Variants in SPAG16 observed in about 807,000 individuals in gnomAD.
The protein encoded by SPAG16 is sperm associated antigen 16.
Under a neutral mutation model 80.4 loss-of-function variants are expected in SPAG16, and 86 were observed. The observed-to-expected ratio is 1.07, with a 90% CI of 0.90 to 1.28. The LOEUF is 1.28. Ranked by LOEUF, SPAG16 falls within the 50% of genes most tolerant of loss-of-function variation. SPAG16 has a pLI of 0.00. For missense variants in SPAG16, 870 were observed against 765.3 expected, an observed-to-expected ratio of 1.14 and a Z score of -1.61; for synonymous variants, 294 against 265.9, an observed-to-expected ratio of 1.11 and a Z score of -1.03.
intron 11 of SPAG16, among the ~76,000 whole-genome samples, chr2:213,896,788 TACATGTTCTC>T (rs1394704137): frequency 1.3e-5 from 2 of 152,158 alleles, no homozygotes; most frequent in African/African-American, 2.4e-5. Context: ...ATAAGCCTGG[TACATGTTCTC>T]ACATGTTCTC....
At chr2:213,742,069 A>G (rs2067578734) in intron 10 of SPAG16, among the ~76,000 whole-genome samples, 1 of 150,436 alleles carries the variant, frequency 6.6e-6, no homozygotes, top group African/African-American at 2.4e-5. Flanking sequence ...TTTATAGTTG[A>G]TGTAATACCA....
At chr2:214,288,535 A>C (rs1488740841) in intron 15 of SPAG16, among the ~76,000 whole-genome samples, 2 of 152,002 alleles carry the variant, frequency 1.3e-5, no homozygotes, top group Admixed American at 6.6e-5. Flanking sequence ...ACTAACTTTC[A>C]TTCCCACCGA....
intron 9 of SPAG16, among the ~76,000 whole-genome samples, chr2:213,405,448 C>T (rs1447140400): frequency 6.6e-6 from 1 of 152,142 alleles, no homozygotes; most frequent in Non-Finnish European, 1.5e-5. Context: ...TATCCATCAC[C>T]TCAAACATTT....
At chr2:213,871,034 T>C (rs1454643207) in intron 11 of SPAG16, among the ~76,000 whole-genome samples, 1 of 152,120 alleles carries the variant, frequency 6.6e-6, no homozygotes, top group Non-Finnish European at 1.5e-5. Context: ...TTATGTAATT[T>C]TAGGGACATA....
chr2:214,176,079 A>G (rs2057069319), intron 15 of SPAG16, among the ~76,000 whole-genome samples: 1 of 151,486 alleles, frequency 6.6e-6, no homozygotes. Context: ...TTTGTATTCC[A>G]CTGATAAATT....
At chr2:213,512,898 A>G (rs906214958) in intron 10 of SPAG16, among the ~76,000 whole-genome samples, 1 of 152,098 alleles carries the variant, frequency 6.6e-6, no homozygotes, top group East Asian at 1.9e-4. Flanking sequence ...AATAGCCCCA[A>G]ACTGCTGCTG....
intron 13 of SPAG16, among the ~76,000 whole-genome samples, chr2:214,052,544 G>C (rs2049706592): frequency 6.6e-6 from 1 of 152,104 alleles, no homozygotes; most frequent in Non-Finnish European, 1.5e-5. Context: ...TAAATTATCT[G>C]GAATCAAGGT....
intron 15 of SPAG16, among the ~76,000 whole-genome samples, chr2:214,225,911 T>C (rs2058687882): frequency 6.6e-6 from 1 of 152,162 alleles, no homozygotes; most frequent in South Asian, 2.1e-4. Flanking sequence ...CATCATTACT[T>C]ACATTCTGGC....
At chr2:213,600,897 A>G (rs891084609) in intron 10 of SPAG16, among the ~76,000 whole-genome samples, 3 of 152,256 alleles carry the variant, frequency 2.0e-5, no homozygotes, top group Non-Finnish European at 4.4e-5. Context: ...GCAAATTAGT[A>G]TGAGAAATGA....
At chr2:213,469,098 A>G (rs571287811) in intron 9 of SPAG16, among the ~76,000 whole-genome samples, 4 of 152,270 alleles carry the variant, frequency 2.6e-5, no homozygotes, top group East Asian at 3.9e-4. Flanking sequence ...CCCAGGATCA[A>G]TACTTTGCAT....
chr2:213,654,574 G>T (rs1004287117), intron 10 of SPAG16, among the ~76,000 whole-genome samples: 2 of 147,646 alleles, frequency 1.4e-5, no homozygotes, highest in Non-Finnish European at 3.0e-5. Flanking sequence ...AAAATTAGCC[G>T]GGTGTGGTGG....
At chr2:213,504,488 T>C (rs2074880143) in intron 10 of SPAG16, among the ~76,000 whole-genome samples, 1 of 152,094 alleles carries the variant, frequency 6.6e-6, no homozygotes, top group Non-Finnish European at 1.5e-5. Context: ...AAAAAATTAT[T>C]TTTAGTTTAA....
At chr2:213,903,019 G>A (rs1367135548) in intron 11 of SPAG16, among the ~76,000 whole-genome samples, 4 of 152,182 alleles carry the variant, frequency 2.6e-5, no homozygotes, top group Non-Finnish European at 5.9e-5. Flanking sequence ...TGATATAAGA[G>A]GTGGGTTCCC....
intron 15 of SPAG16, among the ~76,000 whole-genome samples, chr2:214,325,438 G>C (rs1696406312): frequency 6.6e-6 from 1 of 152,184 alleles, no homozygotes; most frequent in South Asian, 2.1e-4. Context: ...TTTTAAGTAT[G>C]TGTGTTGGGG....
intron 10 of SPAG16, among the ~76,000 whole-genome samples, chr2:213,510,795 C>A (rs895124701): frequency 6.6e-6 from 1 of 152,090 alleles, no homozygotes; most frequent in Non-Finnish European, 1.5e-5. Context: ...ATAGTAAATA[C>A]TTAATGGAAT....
intron 10 of SPAG16, among the ~76,000 whole-genome samples, chr2:213,733,881 C>T (rs2067172124): frequency 6.6e-6 from 1 of 152,154 alleles, no homozygotes; most frequent in South Asian, 2.1e-4. Flanking sequence ...CTTGCAAGCT[C>T]TTGGCATATT....
intron 10 of SPAG16, among the ~76,000 whole-genome samples, chr2:213,742,708 C>G (rs2067622488): frequency 6.6e-6 from 1 of 151,636 alleles, no homozygotes; most frequent in South Asian, 2.1e-4. Context: ...CCCACCACCA[C>G]GCCTGGCTAA....
At chr2:214,054,755 A>T (rs959942462) in intron 13 of SPAG16, among the ~76,000 whole-genome samples, 2 of 152,162 alleles carry the variant, frequency 1.3e-5, no homozygotes, top group Non-Finnish European at 2.9e-5. Context: ...GCCCAAAGAT[A>T]TATTTTTTGT....
intron 10 of SPAG16, among the ~76,000 whole-genome samples, chr2:213,607,244 C>T (rs1470265554): frequency 6.6e-6 from 1 of 152,144 alleles, no homozygotes; most frequent in Admixed American, 6.5e-5. Context: ...TTAAATGTAA[C>T]TATGAATACA....
Sources: gnomAD v4.1 joint callset for allele counts (sites outside exome capture counted in the v4.1 genomes callset) on GRCh38, gnomAD v4.1.1 for gene constraint, MANE v1.5 for transcripts, NCBI Gene and HGNC (gene_info 2026-07-23, HGNC 2026-07-21) for gene names.